NCKAP5: variants seen among roughly 807,000 people sequenced by gnomAD.
NCKAP5 encodes nck-associated protein 5.
In NCKAP5, 92 loss-of-function variants were observed where a neutral mutation model predicts 167.0. The observed-to-expected ratio is 0.55, with a 90% confidence interval of 0.47 to 0.66. The LOEUF is 0.66. Among genes scored for constraint, NCKAP5 ranks in the 30% least tolerant of loss-of-function variants. The pLI is 0.00. For missense variants in NCKAP5, 2,378 were observed against 2,315.0 expected, an observed-to-expected ratio of 1.03 and a Z score of -0.56; for synonymous variants, 891 against 877.4, an observed-to-expected ratio of 1.02 and a Z score of -0.27.
At chr2:133,126,731 A>G (rs1468996109) in intron 6 of NCKAP5, among the ~76,000 whole-genome samples, 4 of 152,180 alleles carry the variant, frequency 2.6e-5, no homozygotes, top group African/African-American at 9.6e-5. Flanking sequence ...TGGCCATGAG[A>G]TAATAATTAC....
rs143466390 is a variant in NCKAP5 at position 132,904,385 on chromosome 2, G to A, written c.580-25469C>T. ...TAAATAAAAATTAAAAAATATATTC[G>A]ATAACATAATGCATGCACAAGATTG... On this transcript the variant is annotated intron_variant, in intron 8 of 19. Transcript: ENST00000409261. 3.9e-3 allele frequency among the ~76,000 whole-genome samples: 580 copies of A among 149,572 alleles called. 18 individuals are homozygous for A. The East Asian group carries it at 0.096, about 25-fold the overall frequency.
At chr2:133,200,065 T>TTCTTTC (rs1347792243) in intron 5 of NCKAP5, among the ~76,000 whole-genome samples, 4 of 146,240 alleles carry the variant, frequency 2.7e-5, no homozygotes, top group Non-Finnish European at 6.0e-5. Context: ...TTCTTTCTTT[T>TTCTTTC]TTTTTTTTTT....
chr2:133,607,259 A>T, the NCKAP5 span, among the ~76,000 whole-genome samples: 2 of 152,170 alleles, frequency 1.3e-5, no homozygotes, highest in Non-Finnish European at 2.9e-5. Context: ...TAATTAAAAG[A>T]TTTACACCAT....
At chr2:133,347,370 A>G (rs1465512135) in intron 3 of NCKAP5, among the ~76,000 whole-genome samples, 6 of 152,006 alleles carry the variant, frequency 3.9e-5, no homozygotes, top group East Asian at 3.9e-4. Flanking sequence ...CCTGACCCAC[A>G]TGGAGAAACC....
At chr2:133,601,359 C>T in the NCKAP5 span, among the ~76,000 whole-genome samples, 1 of 152,170 alleles carries the variant, frequency 6.6e-6, no homozygotes, top group African/African-American at 2.4e-5. Context: ...ATTCATTCAA[C>T]AAATAATTAC....
intron 10 of NCKAP5, among the ~76,000 whole-genome samples, chr2:132,864,629 A>T (rs1690195338): frequency 1.3e-5 from 2 of 152,214 alleles, no homozygotes; most frequent in Admixed American, 1.3e-4. Context: ...GAGTACAGTT[A>T]CTTTATGTAT....
chr2:133,372,109 C>T (rs1685843885), intron 3 of NCKAP5, among the ~76,000 whole-genome samples: 1 of 152,114 alleles, frequency 6.6e-6, no homozygotes, highest in Non-Finnish European at 1.5e-5. Context: ...TTGTTTCTGG[C>T]AAAGGATGTG....
chr2:133,031,602 G>A (rs1416739795), intron 6 of NCKAP5, among the ~76,000 whole-genome samples: 3 of 151,778 alleles, frequency 2.0e-5, no homozygotes, highest in Non-Finnish European at 4.4e-5. Context: ...GCGGGTGGGT[G>A]GGGCATGTGA....
In NCKAP5 at chr2:132,976,228, A is replaced by G. The variant is rs145049193; in HGVS notation, c.430-12359T>C. Among the ~76,000 whole-genome samples, 327 of 152,224 alleles carry G rather than the reference A, an allele frequency of 2.1e-3. 2 individuals are homozygous for G. Among genetic ancestry groups the G allele is most frequent in the Admixed American group, 0.016 (245 of 15,270 alleles). On this transcript the variant is annotated intron_variant, in intron 7 of 19. Coordinates refer to ENST00000409261, the MANE Select transcript of NCKAP5 (RefSeq NM_207363.3). Reference sequence around the variant, plus strand: ...TAGCACTTAGTAAGGGTTTGGGTGGAAGCAGCGGTTGAGGAGATACTGGTC... The same window carrying G: ...TAGCACTTAGTAAGGGTTTGGGTGGGAGCAGCGGTTGAGGAGATACTGGTC...
rs1688016693 is a variant in NCKAP5, at chr2:133,400,338, A to G, written c.70-97228T>C. ...ATGACTTTACCCCTGGAGCCTGAGAATGGGACCTTATTTGGAAGAAAGGTC... is the reference window on the plus strand; with the variant it reads ...ATGACTTTACCCCTGGAGCCTGAGAGTGGGACCTTATTTGGAAGAAAGGTC... On this transcript the variant is annotated intron_variant, in intron 3 of 19. Coordinates refer to ENST00000409261, the MANE Select transcript of NCKAP5 (RefSeq NM_207363.3). 2.0e-5 allele frequency among the ~76,000 whole-genome samples: 3 copies of G among 152,286 alleles called. No individual in the cohort carries two copies. In the South Asian group the frequency reaches 6.2e-4, roughly 32 times the overall value.
intron 3 of NCKAP5, among the ~76,000 whole-genome samples, chr2:133,339,973 T>TA (rs988345948): frequency 6.6e-6 from 1 of 152,216 alleles, no homozygotes; most frequent in African/African-American, 2.4e-5. Flanking sequence ...TGGGCATTGT[T>TA]AAGAGTCACA....
At chr2:133,613,756 G>A in the NCKAP5 span, among the ~76,000 whole-genome samples, 1 of 152,118 alleles carries the variant, frequency 6.6e-6, no homozygotes, top group Non-Finnish European at 1.5e-5. Flanking sequence ...TCTAGGGGTG[G>A]TCCCGTAGTC....
At chr2:133,611,598 C>T in the NCKAP5 span, among the ~76,000 whole-genome samples, 1 of 152,126 alleles carries the variant, frequency 6.6e-6, no homozygotes, top group African/African-American at 2.4e-5. Context: ...GACAGTAAGG[C>T]TTCTTAGCCC....
chr2:132,889,885 A>G (rs1574530972), intron 8 of NCKAP5, among the ~76,000 whole-genome samples: 2 of 152,172 alleles, frequency 1.3e-5, no homozygotes, highest in East Asian at 3.9e-4. Context: ...CAAATGAAAC[A>G]GGTAGAAATG....
At chr2:132,772,963 A>G (rs972996065) in intron 16 of NCKAP5, among the ~76,000 whole-genome samples, 4 of 152,206 alleles carry the variant, frequency 2.6e-5, no homozygotes, top group African/African-American at 9.6e-5. Context: ...ATTATACTGG[A>G]CACTGGGGAT....
chr2:132,828,015 A>G (rs1454099203), intron 11 of NCKAP5, among the ~76,000 whole-genome samples: 1 of 152,156 alleles, frequency 6.6e-6, no homozygotes, highest in Admixed American at 6.5e-5. Flanking sequence ...AGGTCACACC[A>G]GATGTGTGAT....
intron 7 of NCKAP5, among the ~76,000 whole-genome samples, chr2:132,970,453 T>C (rs2076797598): frequency 6.6e-6 from 1 of 152,178 alleles, no homozygotes; most frequent in South Asian, 2.1e-4. Context: ...TTCATTTTTA[T>C]GGAGTTTAAT....
At chr2:133,268,264 C>A (rs2089337369) in intron 4 of NCKAP5, 1 of 152,180 alleles carries the variant, frequency 6.6e-6, no homozygotes, top group Non-Finnish European at 1.5e-5. Context: ...ACTGTGTTTT[C>A]CACTTATTTT....
chr2:132,940,152 A>G (rs1309243848), intron 8 of NCKAP5, among the ~76,000 whole-genome samples: 2 of 152,144 alleles, frequency 1.3e-5, no homozygotes, highest in East Asian at 3.8e-4. Flanking sequence ...TTGGTTTTCT[A>G]TTGTTGAGTT....
Sources: gnomAD v4.1 joint callset for allele counts (sites outside exome capture counted in the v4.1 genomes callset) on GRCh38, gnomAD v4.1.1 for gene constraint, MANE v1.5 for transcripts, NCBI Gene and HGNC (gene_info 2026-07-23, HGNC 2026-07-21) for gene names.